The following LNPK variants were observed in gnomAD, a reference collection of about 807,000 sequenced individuals.
LNPK encodes the protein endoplasmic reticulum junction formation protein lunapark.
Under a neutral mutation model 55.2 loss-of-function variants are expected in LNPK, and 29 were observed. The ratio of observed to expected loss-of-function variants is 0.53; its 90% CI spans 0.39 to 0.72. The LOEUF (loss-of-function observed/expected upper bound fraction) is 0.72, where lower values mean the gene tolerates loss of function less well. LNPK is among the 30% of genes least tolerant of loss of function. LNPK has a pLI of 0.00. For missense variants in LNPK, 467 were observed against 494.8 expected, an observed-to-expected ratio of 0.94 and a Z score of 0.53; for synonymous variants, 162 against 168.2, an observed-to-expected ratio of 0.96 and a Z score of 0.29.
rs1347428451 is a variant in LNPK at position 175,924,945 on chromosome 2, C to G, written c.*5022G>C. 1.3e-5 allele frequency: 2 copies of G among 152,134 alleles called. No homozygotes were observed. Among genetic ancestry groups the G allele is most frequent in the Non-Finnish European group, 2.9e-5 (2 of 68,044 alleles). The allele number at this position is 152,134 out of a possible 1,614,324, so 9.4% of individuals were successfully genotyped here. A position where few individuals can be genotyped will look rare whatever the true frequency, so the allele number is the denominator to read the frequency against. ...GGAAAAATAGAGCAAGAACTCATTACTGCAAGGACAACGCCAAGACATTCA... is the reference window on the plus strand; with the variant it reads ...GGAAAAATAGAGCAAGAACTCATTAGTGCAAGGACAACGCCAAGACATTCA... On this transcript the variant is annotated 3_prime_UTR_variant, in exon 13 of 13. Coordinates refer to ENST00000272748, the MANE Select transcript of LNPK (RefSeq NM_030650.3).
At chr2:175,945,489 G>A (rs929409970) in intron 9 of LNPK, among the ~76,000 whole-genome samples, 4 of 102,822 alleles carry the variant, frequency 3.9e-5, no homozygotes, top group African/African-American at 1.6e-4. Flanking sequence ...CTGGGCAACA[G>A]AACAAGACTG....
chr2:175,997,703 C>CTTTATATGTGTGTGTGTG (rs1491566543), intron 1 of LNPK, among the ~76,000 whole-genome samples: 31 of 45,870 alleles, frequency 6.8e-4, no homozygotes, highest in African/African-American at 1.9e-3. Context: ...AAAACAAATG[C>CTTTATATGTGTGTGTGTG]TCTGTGTGTG....
intron 4 of LNPK, among the ~76,000 whole-genome samples, chr2:175,988,929 G>A (rs990529966): frequency 4.0e-5 from 6 of 151,882 alleles, no homozygotes; most frequent in South Asian, 2.1e-4. Context: ...GCCCACCACC[G>A]TGCTGGGCTA....
rs200237452 is a variant in LNPK, at chr2:175,937,522, G to T, written c.884-8C>A. On this transcript the variant is annotated splice_region_variant and splice_polypyrimidine_tract_variant and intron_variant, in intron 11 of 12. Transcript: ENST00000272748. ...AGTAGGCACATCGAAAAGCTGCAGA[G>T]AATTTTTTAAAAATAAGCAAAACCA... The T allele has an allele frequency of 1.9e-6, 3 of 1,600,792 alleles. No homozygotes were observed. The highest frequency in any genetic ancestry group is 4.5e-5 in the East Asian group (2 of 44,564).
At chr2:175,964,300 C>T in intron 8 of LNPK, 72 bp downstream of exon 8, 1 of 1,286,340 alleles carries the variant, frequency 7.8e-7, no homozygotes, top group African/African-American at 1.5e-5. Context: ...ACACCTCCAA[C>T]ACACTTTTGA....
chr2:175,929,689 T>C lies in LNPK; in HGVS notation c.*278A>G, dbSNP rs2289967. ...CAGAAAACAAGAAGGCAATCATGTT[T>C]GCTTACTTTTAGAATGGACAAAAAA... On this transcript the variant is annotated 3_prime_UTR_variant, in exon 13 of 13. Coordinates refer to ENST00000272748, the MANE Select transcript of LNPK (RefSeq NM_030650.3). The C allele has an allele frequency of 2.8e-3, 3,438 of 1,219,890 alleles. 84 individuals are homozygous for C. The East Asian group carries it at 0.065, about 23-fold the overall frequency. The allele number at this position is 1,219,890 out of a possible 1,614,324, so 75.6% of individuals were successfully genotyped here. A position where few individuals can be genotyped will look rare whatever the true frequency, so the allele number is the denominator to read the frequency against.
chr2:175,930,620 C>T (rs1684236924), intron 12 of LNPK, among the ~76,000 whole-genome samples: 1 of 136,890 alleles, frequency 7.3e-6, no homozygotes, highest in Non-Finnish European at 1.5e-5. Flanking sequence ...TCCCTTGTGT[C>T]CAGGCAACCC....
chr2:176,002,239 C>T lies in LNPK; in HGVS notation c.-142G>A, dbSNP rs935492. On this transcript the variant is annotated 5_prime_UTR_variant, in exon 1 of 13. Transcript: ENST00000272748. ...GCCACCGCCCAGCCTGCCTCCAGAG[C>T]AGGCAGCAGCCGCCACTGACAGAGA... 0.2 allele frequency: 90,156 copies of T among 451,424 alleles called. 11,066 individuals carry two copies. The highest frequency in any genetic ancestry group is 0.39 in the South Asian group (24,937 of 64,026). The allele number at this position is 451,424 out of a possible 1,614,324, so 28.0% of individuals were successfully genotyped here.
At chr2:175,939,510 C>T in intron 10 of LNPK, 42 bp downstream of exon 10, 1 of 1,079,326 alleles carries the variant, frequency 9.3e-7, no homozygotes, top group East Asian at 2.4e-5. Flanking sequence ...CACACACATC[C>T]TGTTTTCATT....
chr2:175,986,507 C>A (rs931113506), intron 4 of LNPK, among the ~76,000 whole-genome samples: 2 of 151,970 alleles, frequency 1.3e-5, no homozygotes, highest in Admixed American at 1.3e-4. Context: ...CAGAAAATGT[C>A]ATAGTTTCAA....
intron 8 of LNPK, among the ~76,000 whole-genome samples, chr2:175,953,773 A>T (rs1316591453): frequency 5.8e-5 from 3 of 51,382 alleles, no homozygotes; most frequent in African/African-American, 3.1e-4. Flanking sequence ...CATGTTACTA[A>T]AAAAAAAAAA....
In LNPK at chr2:175,929,347, G is replaced by A; in HGVS notation, c.*620C>T. ...TCAAAAAGAAACACTGCAGTTGACTGTTTCATTGCATTCTCACTGAGAATT... is the reference window on the plus strand; with the variant it reads ...TCAAAAAGAAACACTGCAGTTGACTATTTCATTGCATTCTCACTGAGAATT... On this transcript the variant is annotated 3_prime_UTR_variant, in exon 13 of 13. Transcript: ENST00000272748. 6.1e-6 allele frequency: 6 copies of A among 985,722 alleles called. No individual in the cohort carries two copies. Among genetic ancestry groups the A allele is most frequent in the South Asian group, 4.7e-5 (1 of 21,280 alleles). 61.1% of individuals were successfully genotyped at this position (985,722 alleles called of 1,614,324 possible).
At chr2:175,940,556 A>G (rs1196471636) in intron 9 of LNPK, among the ~76,000 whole-genome samples, 2 of 152,212 alleles carry the variant, frequency 1.3e-5, no homozygotes, top group East Asian at 3.9e-4. Flanking sequence ...AGTATTCAGA[A>G]GAGTACTGTA....
At chr2:175,961,620 G>A (rs1686034425) in intron 8 of LNPK, among the ~76,000 whole-genome samples, 1 of 152,158 alleles carries the variant, frequency 6.6e-6, no homozygotes, top group Non-Finnish European at 1.5e-5. Flanking sequence ...AAAACTGGAA[G>A]CATTCCCTTT....
chr2:175,988,118 G>C (rs191564065), intron 4 of LNPK, among the ~76,000 whole-genome samples: 17 of 152,080 alleles, frequency 1.1e-4, no homozygotes, highest in Admixed American at 2.6e-4. Context: ...CACCCTTTCT[G>C]CCAAACTTAA....
At chr2:175,985,673 T>C (rs191428894) in intron 4 of LNPK, among the ~76,000 whole-genome samples, 1 of 152,180 alleles carries the variant, frequency 6.6e-6, no homozygotes, top group Non-Finnish European at 1.5e-5. Flanking sequence ...AAATCCAACA[T>C]ATACTAAGTT....
At chr2:175,930,313 CACACAA>C in intron 12 of LNPK, 114 bp from the exon 13 acceptor site, 7 of 587,706 alleles carry the variant, frequency 1.2e-5, no homozygotes, top group Admixed American at 3.1e-5. Context: ...CACACACACA[CACACAA>C]AGAAACCATA....
chr2:175,936,942 A>G (rs1279989630), intron 12 of LNPK, among the ~76,000 whole-genome samples: 1 of 152,232 alleles, frequency 6.6e-6, no homozygotes, highest in Non-Finnish European at 1.5e-5. Context: ...TTTGTGTGGT[A>G]GATACAAACC....
At chr2:175,975,737 G>T (rs936393880) in intron 5 of LNPK, among the ~76,000 whole-genome samples, 3 of 152,166 alleles carry the variant, frequency 2.0e-5, no homozygotes, top group Admixed American at 2.0e-4. Flanking sequence ...CCAGCTGGGC[G>T]CAGTGGCCCA....
Sources: allele counts gnomAD v4.1 joint callset (sites outside exome capture counted in the v4.1 genomes callset), GRCh38; gene constraint gnomAD v4.1.1; transcripts MANE v1.5; gene names NCBI Gene and HGNC (gene_info 2026-07-23, HGNC 2026-07-21).